Variants in SLC24A4 observed in about 807,000 individuals in gnomAD.
SLC24A4 encodes the protein solute carrier family 24 member 4, also known as sodium/potassium/calcium exchanger 4.
In SLC24A4, 53 loss-of-function variants were observed where a neutral mutation model predicts 79.0. The observed-to-expected ratio is 0.67, with a 90% CI of 0.54 to 0.84. SLC24A4 has a LOEUF of 0.84. Among genes scored for constraint, SLC24A4 ranks in the 40% least tolerant of loss-of-function variants. SLC24A4 has a pLI of 0.00. For missense variants in SLC24A4, 731 were observed against 822.0 expected (o/e 0.89, Z 1.35); for synonymous variants, 323 against 323.8 (o/e 1.00, Z 0.03).
chr14:92,385,577 T>C (rs144700275), intron 2 of SLC24A4, among the ~76,000 whole-genome samples: 89 of 152,196 alleles, frequency 5.8e-4, no homozygotes, highest in African/African-American at 2.0e-3. Context: ...TTTCACCCAT[T>C]ATTATTCATA....
At chr14:92,412,491 A>T (rs1252712891) in intron 2 of SLC24A4, among the ~76,000 whole-genome samples, 1 of 152,100 alleles carries the variant, frequency 6.6e-6, no homozygotes, top group Non-Finnish European at 1.5e-5. Context: ...TCTGGCTCTG[A>T]TCTGCATTTG....
intron 2 of SLC24A4, among the ~76,000 whole-genome samples, chr14:92,395,466 C>T (rs910643617): frequency 6.6e-6 from 1 of 151,024 alleles, no homozygotes; most frequent in African/African-American, 2.5e-5. Flanking sequence ...CACACACACA[C>T]GAAACTATCC....
Position 92,433,932 on chromosome 14 carries a change from G to T in SLC24A4, c.262G>T (p.Asp88Tyr), listed in dbSNP as rs181086298. 41 of 1,614,168 alleles carry T rather than the reference G, an allele frequency of 2.5e-5. No homozygotes were observed. The highest frequency in any genetic ancestry group is 5.1e-6 in the Non-Finnish European group (6 of 1,180,022). ...TCCAGCGATTCACGAGTTCCCCACAGATCTGTTCTCCAATAAGGAGCGACA... is the reference window on the plus strand; with the variant it reads ...TCCAGCGATTCACGAGTTCCCCACATATCTGTTCTCCAATAAGGAGCGACA... ...TDPAIHEFPT[D>Y]LFSNKERQHG... Residue 88 changes from aspartate to tyrosine, a missense_variant, in exon 3 of 17, where the codon GAT becomes TAT. By Grantham distance (160) the Asp-to-Tyr change is radical (BLOSUM62 -3). Coordinates refer to ENST00000532405, the MANE Select transcript of SLC24A4 (RefSeq NM_153646.4).
Position 92,333,083 on chromosome 14 carries a change from C to A in SLC24A4, c.241+7105C>A, listed in dbSNP as rs188361058. Reference sequence around the variant, plus strand: ...CCCCCTCTCTAACACTGCCTTTATCCCCAACTTCTGGGTTTAAAAAATTTT... The same window carrying A: ...CCCCCTCTCTAACACTGCCTTTATCACCAACTTCTGGGTTTAAAAAATTTT... On this transcript the variant is annotated intron_variant, in intron 2 of 16. Coordinates refer to ENST00000532405, the MANE Select transcript of SLC24A4 (RefSeq NM_153646.4). Among the ~76,000 whole-genome samples, 210 of 152,144 alleles carry A rather than the reference C, an allele frequency of 1.4e-3. 1 individual carries two copies. The highest frequency in any genetic ancestry group is 1.9e-3 in the Non-Finnish European group (129 of 67,980).
At chr14:92,374,227 C>T (rs988738814) in intron 2 of SLC24A4, among the ~76,000 whole-genome samples, 14 of 152,270 alleles carry the variant, frequency 9.2e-5, no homozygotes, top group Admixed American at 2.6e-4. Context: ...GTTACCTCAC[C>T]GTTCCTGAGG....
intron 12 of SLC24A4, among the ~76,000 whole-genome samples, chr14:92,464,604 G>C (rs950355153): frequency 9.2e-5 from 14 of 152,322 alleles, no homozygotes; most frequent in African/African-American, 3.1e-4. Context: ...CTGCTGGACA[G>C]TAGCAGGAAG....
At position 92,347,273 on chromosome 14, in the gene SLC24A4, G is replaced by A. The variant is rs567300378; in HGVS notation, c.241+21295G>A. 8.5e-4 allele frequency among the ~76,000 whole-genome samples: 130 copies of A among 152,242 alleles called. 1 individual carries two copies. Among genetic ancestry groups the A allele is most frequent in the African/African-American group, 2.9e-3 (122 of 41,534 alleles). On this transcript the variant is annotated intron_variant, in intron 2 of 16. Coordinates refer to ENST00000532405, the MANE Select transcript of SLC24A4 (RefSeq NM_153646.4). ...GTCCCACATTGGCTTATTTCACTTT[G>A]TACTAGGATGTGCTGAACTTTTCAA...
intron 2 of SLC24A4, among the ~76,000 whole-genome samples, chr14:92,340,719 C>A (rs1342659926): frequency 2.0e-5 from 3 of 152,108 alleles, no homozygotes; most frequent in African/African-American, 7.2e-5. Flanking sequence ...GTGATATTCA[C>A]CATCAGAAGC....
intron 2 of SLC24A4, among the ~76,000 whole-genome samples, chr14:92,378,147 C>T (rs1888622370): frequency 1.3e-5 from 2 of 152,150 alleles, no homozygotes; most frequent in South Asian, 2.1e-4. Context: ...TTCTTTTGCT[C>T]TGTAGAATTC....
At chr14:92,330,525 T>G (rs769835592) in intron 2 of SLC24A4, among the ~76,000 whole-genome samples, 1 of 152,176 alleles carries the variant, frequency 6.6e-6, no homozygotes, top group African/African-American at 2.4e-5. Flanking sequence ...ACATGTATGA[T>G]GTAGGAATGA....
intron 2 of SLC24A4, among the ~76,000 whole-genome samples, chr14:92,418,435 G>T (rs1891098254): frequency 6.6e-6 from 1 of 152,182 alleles, no homozygotes; most frequent in Non-Finnish European, 1.5e-5. Context: ...GTTCTCCAGA[G>T]AAGCAGAGCC....
intron 3 of SLC24A4, 22 bp from the exon 4 acceptor site, chr14:92,439,313 C>T (rs1247007221): frequency 4.4e-6 from 7 of 1,608,006 alleles, no homozygotes; most frequent in Non-Finnish European, 6.0e-6. Flanking sequence ...CCGACCCTGC[C>T]TGTCTCCTCT....
intron 2 of SLC24A4, among the ~76,000 whole-genome samples, chr14:92,335,529 A>ATTT (rs11399019): frequency 6.8e-6 from 1 of 147,208 alleles, no homozygotes; most frequent in Admixed American, 6.8e-5. Context: ...TAATTTTTGT[A>ATTT]TTTTTTTTTT....
rs1408946233 is a variant in SLC24A4 at position 92,491,735 on chromosome 14, A to T, written c.1608A>T (p.Val536=). ...TTGACATCCTGGTAGGACTTGGTGT[A>T]CCGTGGGGCCTGCAGACCATGGTTG... ...NVFDILVGLG[V]PWGLQTMVVN... is the part of the protein sequence containing the mutation. The change falls in exon 15 of 17, where the codon GTA becomes GTT. Residue 536 remains valine, a synonymous_variant. Transcript: ENST00000532405. 1 of 1,613,876 alleles carries T rather than the reference A, an allele frequency of 6.2e-7. No individual in the cohort carries two copies. The highest frequency in any genetic ancestry group is 1.3e-5 in the African/African-American group (1 of 74,906).
At chr14:92,382,088 C>T (rs901254355) in intron 2 of SLC24A4, among the ~76,000 whole-genome samples, 2 of 151,754 alleles carry the variant, frequency 1.3e-5, no homozygotes, top group Non-Finnish European at 2.9e-5. Context: ...ATCTGCATTC[C>T]TGTATATATA....
chr14:92,493,452 A>G (rs1437125603), intron 16 of SLC24A4, 24 bp from the exon 17 acceptor site: 1 of 1,613,068 alleles, frequency 6.2e-7, no homozygotes, highest in Admixed American at 1.7e-5. Flanking sequence ...CTGCAAGCCC[A>G]GTTCCCACAC....
At chr14:92,457,744 C>T (rs1448719455) in intron 12 of SLC24A4, among the ~76,000 whole-genome samples, 2 of 152,226 alleles carry the variant, frequency 1.3e-5, no homozygotes, top group Non-Finnish European at 2.9e-5. Flanking sequence ...GGCGTTTTTT[C>T]TGATGTCCAC....
intron 12 of SLC24A4, among the ~76,000 whole-genome samples, chr14:92,474,863 A>ATATATATATATATTTT (rs36185636): frequency 3.5e-5 from 2 of 57,144 alleles, no homozygotes; most frequent in African/African-American, 1.3e-4. Context: ...ATATATATAT[A>ATATATATATATATTTT]TTTTTTTTTT....
At chr14:92,336,249 A>G (rs948579641) in intron 2 of SLC24A4, among the ~76,000 whole-genome samples, 8 of 152,252 alleles carry the variant, frequency 5.3e-5, no homozygotes, top group Non-Finnish European at 1.2e-4. Flanking sequence ...CGTAACAGAA[A>G]AGTTGAATAC....
Sources: gnomAD v4.1 joint callset for allele counts (sites outside exome capture counted in the v4.1 genomes callset) on GRCh38, gnomAD v4.1.1 for gene constraint, MANE v1.5 for transcripts, NCBI Gene and HGNC (gene_info 2026-07-23, HGNC 2026-07-21) for gene names.